The following EIF2AK3 variants were observed in gnomAD, a reference collection of about 807,000 sequenced individuals.
EIF2AK3 encodes the protein eukaryotic translation initiation factor 2 alpha kinase 3.
A neutral mutation model predicts 113.5 loss-of-function variants in EIF2AK3; 50 were observed. That is an observed-to-expected ratio of 0.44 (90% CI 0.35 to 0.56). The LOEUF is 0.56. Among genes scored for constraint, EIF2AK3 ranks in the 20% least tolerant of loss-of-function variants. EIF2AK3 has a pLI of 0.00. For missense variants in EIF2AK3, 1,185 were observed against 1,378.0 expected (o/e 0.86, Z 2.22); for synonymous variants, 448 against 495.4 (o/e 0.90, Z 1.27).
chr2:88,627,432 C>T lies in EIF2AK3; in HGVS notation c.-158G>A, dbSNP rs538912742. On this transcript the variant is annotated 5_prime_UTR_variant, in exon 1 of 17. Coordinates refer to ENST00000303236, the MANE Select transcript of EIF2AK3 (RefSeq NM_004836.7). ...GTGTTCCCCTGGCCACGTCTCAGCCCGGCCTCTGCCGCTGCCACCTGAGTG... is the reference window on the plus strand; with the variant it reads ...GTGTTCCCCTGGCCACGTCTCAGCCTGGCCTCTGCCGCTGCCACCTGAGTG... 3.3e-6 allele frequency: 3 copies of T among 903,302 alleles called. No homozygotes were observed. Among genetic ancestry groups the T allele is most frequent in the African/African-American group, 3.5e-5 (2 of 57,096 alleles). The allele number at this position is 903,302 out of a possible 1,614,324, so 56.0% of individuals were successfully genotyped here.
At chr2:88,592,595 C>T (rs1674915320) in intron 4 of EIF2AK3, among the ~76,000 whole-genome samples, 1 of 152,002 alleles carries the variant, frequency 6.6e-6, no homozygotes, top group African/African-American at 2.4e-5. Flanking sequence ...GAAACCCCAT[C>T]TCTACTAAAA....
intron 16 of EIF2AK3, among the ~76,000 whole-genome samples, chr2:88,558,402 A>G (rs549988558): frequency 1.3e-5 from 2 of 152,298 alleles, no homozygotes; most frequent in African/African-American, 4.8e-5. Context: ...TCAGCAACCA[A>G]CACCTTTTCT....
In EIF2AK3 at chr2:88,626,900, C is replaced by CT. The variant is rs988178042; in HGVS notation, c.308+66dup. On this transcript the variant is annotated intron_variant, in intron 1 of 16. Coordinates refer to ENST00000303236, the MANE Select transcript of EIF2AK3 (RefSeq NM_004836.7). Reference sequence around the variant, plus strand: ...GCCCGGGTCCCGGATCTCCGCCCCCCTACACCGCATCCTCCGCGGCTCGCG... The same window carrying CT: ...GCCCGGGTCCCGGATCTCCGCCCCCCTTACACCGCATCCTCCGCGGCTCGCG... The CT allele has an allele frequency of 1.9e-6, 3 of 1,585,868 alleles. No homozygotes were observed. In the African/African-American group the frequency reaches 4.1e-5, roughly 22 times the overall value.
intron 6 of EIF2AK3, among the ~76,000 whole-genome samples, chr2:88,589,536 TAA>T (rs1347229533): frequency 6.6e-6 from 1 of 151,748 alleles, no homozygotes; most frequent in African/African-American, 2.4e-5. Context: ...AATCTAATCT[TAA>T]AGAGGGGAGG....
At chr2:88,573,455 T>C (rs1674371180) in intron 13 of EIF2AK3, among the ~76,000 whole-genome samples, 1 of 152,178 alleles carries the variant, frequency 6.6e-6, no homozygotes, top group Non-Finnish European at 1.5e-5. Context: ...TCCCACCTAG[T>C]GATAAGCGTT....
At chr2:88,606,442 G>A (rs1675280952) in intron 2 of EIF2AK3, among the ~76,000 whole-genome samples, 2 of 152,248 alleles carry the variant, frequency 1.3e-5, no homozygotes, top group East Asian at 1.9e-4. Context: ...TTAAATTAAA[G>A]CACTGTTTCA....
rs1464741735 is a variant in EIF2AK3, at chr2:88,579,504, G to A, written c.1886+14C>T. 2 of 1,613,192 alleles carry A rather than the reference G, an allele frequency of 1.2e-6. No homozygotes were observed. The highest frequency in any genetic ancestry group is 1.7e-5 in the Admixed American group (1 of 59,976). ...TGTGCTGATTTCAAGTTTACTGAAGGTACCACCCATTACCTATTGGGGAGA... is the reference window on the plus strand; with the variant it reads ...TGTGCTGATTTCAAGTTTACTGAAGATACCACCCATTACCTATTGGGGAGA... On this transcript the variant is annotated intron_variant, in intron 11 of 16. Coordinates refer to ENST00000303236, the MANE Select transcript of EIF2AK3 (RefSeq NM_004836.7).
chr2:88,586,876 G>A (rs1483059204), intron 8 of EIF2AK3, among the ~76,000 whole-genome samples: 6 of 151,210 alleles, frequency 4.0e-5, no homozygotes, highest in South Asian at 2.1e-4. Context: ...ACAGGCATGA[G>A]CCACCACTCC....
At chr2:88,590,732 T>C in intron 5 of EIF2AK3, 86 bp downstream of exon 5, 4 of 1,565,976 alleles carry the variant, frequency 2.6e-6, no homozygotes, top group African/African-American at 2.7e-5. Flanking sequence ...CCCCAAGTAG[T>C]AGTAATTTCG....
chr2:88,619,396 AG>A (rs1675664106), intron 1 of EIF2AK3, among the ~76,000 whole-genome samples: 1 of 152,184 alleles, frequency 6.6e-6, no homozygotes, highest in Non-Finnish European at 1.5e-5. Flanking sequence ...CTCCATCTAT[AG>A]TATGACAGCC....
chr2:88,575,708 C>T (rs541994911), intron 12 of EIF2AK3: 5 of 471,738 alleles, frequency 1.1e-5, no homozygotes, highest in African/African-American at 5.9e-5. Context: ...GCCAGAGCAG[C>T]CAAAGCCTTT....
rs755369984 is a variant in EIF2AK3 at position 88,558,972 on chromosome 2, G to C, written c.3095C>G (p.Thr1032Ser). 1 of 1,592,736 alleles carries C rather than the reference G, an allele frequency of 6.3e-7. No homozygotes were observed. The highest frequency in any genetic ancestry group is 8.6e-7 in the Non-Finnish European group (1 of 1,161,792). Residue 1032 changes from threonine (T) to serine (S), a missense_variant, in exon 16 of 17, where the codon ACT becomes AGT. Coordinates refer to ENST00000303236, the MANE Select transcript of EIF2AK3 (RefSeq NM_004836.7). ...TGGAAATTTGAGATTTCTTACATCA[G>C]TTAAGGTCTAAAAAGAAAAAAAGTA... Reference protein sequence around the residue: ...STQMERVRTLTDVRNLKFPPL... With the variant: ...STQMERVRTLSDVRNLKFPPL...
intron 7 of EIF2AK3, 81 bp downstream of exon 7, chr2:88,588,680 G>A: frequency 7.1e-7 from 1 of 1,416,664 alleles, no homozygotes; most frequent in Non-Finnish European, 1.0e-6. Context: ...TATCTCTGCA[G>A]TATTCAAAAC....
At chr2:88,568,483 T>G (rs1427018871) in intron 14 of EIF2AK3, among the ~76,000 whole-genome samples, 1 of 152,194 alleles carries the variant, frequency 6.6e-6, no homozygotes, top group African/African-American at 2.4e-5. Context: ...CAGTAGAAAT[T>G]ATTAATTTAT....
chr2:88,581,298 T>C (rs568797386), intron 10 of EIF2AK3, among the ~76,000 whole-genome samples: 51 of 152,084 alleles, frequency 3.4e-4, no homozygotes, highest in East Asian at 1.2e-3. Flanking sequence ...ATTTTGAGTA[T>C]ATTTTTCTAA....
At chr2:88,585,335 G>C (rs67887179) in intron 9 of EIF2AK3, among the ~76,000 whole-genome samples, 3,360 of 152,092 alleles carry the variant, frequency 0.022, 65 homozygotes, top group Admixed American at 0.039. Flanking sequence ...GGGAATGGGA[G>C]GGGAAATGAG....
At chr2:88,606,491 T>G (rs2104459199) in intron 2 of EIF2AK3, among the ~76,000 whole-genome samples, 2 of 152,306 alleles carry the variant, frequency 1.3e-5, no homozygotes, top group South Asian at 2.1e-4. Context: ...CCCAGGCAAT[T>G]ATTTAAATAT....
intron 6 of EIF2AK3, 114 bp from the exon 7 acceptor site, chr2:88,589,015 CAAA>C: frequency 7.9e-7 from 1 of 1,259,898 alleles, no homozygotes; most frequent in Non-Finnish European, 1.1e-6. Flanking sequence ...AAACTCTTGT[CAAA>C]GAAGAAACAT....
chr2:88,623,205 C>G (rs1288902086), intron 1 of EIF2AK3, among the ~76,000 whole-genome samples: 1 of 152,176 alleles, frequency 6.6e-6, no homozygotes, highest in Non-Finnish European at 1.5e-5. Context: ...TGGTAATTCA[C>G]AAAATTACAT....
Sources: gnomAD v4.1 joint callset for allele counts (sites outside exome capture counted in the v4.1 genomes callset) on GRCh38, gnomAD v4.1.1 for gene constraint, MANE v1.5 for transcripts, NCBI Gene and HGNC (gene_info 2026-07-23, HGNC 2026-07-21) for gene names.